ADGRL2: variants seen among roughly 807,000 people sequenced by gnomAD.
ADGRL2 encodes the protein calcium-independent alpha-latrotoxin receptor 2.
In ADGRL2, 44 loss-of-function variants were observed where a neutral mutation model predicts 157.4. The ratio of observed to expected loss-of-function variants is 0.28; its 90% CI spans 0.22 to 0.36. The LOEUF (loss-of-function observed/expected upper bound fraction) is 0.36. ADGRL2 is among the 10% of genes least tolerant of loss of function. The pLI is 1.00. For synonymous variants in ADGRL2, 585 were observed against 624.7 expected (o/e 0.94, Z 0.95); for missense variants, 1,510 against 1,768.9 (o/e 0.85, Z 2.63).
At chr1:81,835,173 C>T (rs187410487) in intron 1 of ADGRL2, among the ~76,000 whole-genome samples, 2 of 152,288 alleles carry the variant, frequency 1.3e-5, no homozygotes, top group East Asian at 3.9e-4. Context: ...GGCAAGCTGC[C>T]TGTAGGCACT....
intron 2 of ADGRL2, among the ~76,000 whole-genome samples, chr1:81,888,239 CTT>C (rs1328344137): frequency 6.6e-6 from 1 of 152,008 alleles, no homozygotes; most frequent in African/African-American, 2.4e-5. Context: ...AAATACAACT[CTT>C]TATCAAAAGC....
In ADGRL2 at chr1:81,825,429, A is replaced by G. The variant is rs576033531; in HGVS notation, c.-100-11456A>G. On this transcript the variant is annotated intron_variant, in intron 1 of 23. Transcript: ENST00000686636. ...AGTGGCGCAATCTCATCTCACTGCA[A>G]CCTCCACCTCCCAGGTTCAAGTGAT... 4.0e-5 allele frequency among the ~76,000 whole-genome samples: 6 copies of G among 151,886 alleles called. No individual in the cohort carries two copies. The South Asian group carries it at 1.2e-3, about 32-fold the overall frequency.
intron 3 of ADGRL2, among the ~76,000 whole-genome samples, chr1:81,666,933 C>A (rs2082762977): frequency 6.6e-6 from 1 of 152,112 alleles, no homozygotes; most frequent in Non-Finnish European, 1.5e-5. Context: ...AGGTATACAT[C>A]ATATCCTTGA....
intron 2 of ADGRL2, among the ~76,000 whole-genome samples, chr1:81,857,584 G>A (rs533114351): frequency 2.4e-4 from 37 of 152,180 alleles, no homozygotes; most frequent in East Asian, 3.9e-4. Context: ...GCCCACAGAC[G>A]GTTCTTTTTG....
chr1:81,675,794 A>C lies in ADGRL2; in HGVS notation c.-142-86017A>C, dbSNP rs549188535. Among the ~76,000 whole-genome samples, 7 of 152,122 alleles carry C rather than the reference A, an allele frequency of 4.6e-5. No homozygotes were observed. In the East Asian group the frequency reaches 1.4e-3, roughly 30 times the overall value. ...ACAGGGTTTCACCATGTTAGCCAGGATAGTCTTGATCTCCTGACCTCATGA... is the reference window on the plus strand; with the variant it reads ...ACAGGGTTTCACCATGTTAGCCAGGCTAGTCTTGATCTCCTGACCTCATGA... On this transcript the variant is annotated intron_variant, in intron 3 of 24. Coordinates refer to the ADGRL2 transcript ENST00000370721.
At chr1:81,466,858 A>G (rs2078066367) in intron 2 of ADGRL2, among the ~76,000 whole-genome samples, 1 of 152,172 alleles carries the variant, frequency 6.6e-6, no homozygotes, top group Admixed American at 6.6e-5. Flanking sequence ...GAAAATACAC[A>G]TAAGTAATAG....
chr1:81,411,249 T>A (rs1446555435), intron 1 of ADGRL2, among the ~76,000 whole-genome samples: 2 of 152,226 alleles, frequency 1.3e-5, no homozygotes, highest in Non-Finnish European at 2.9e-5. Context: ...ATGAGAATAT[T>A]TATATGTCAT....
At chr1:81,920,328 T>C (rs1178847955) in intron 3 of ADGRL2, among the ~76,000 whole-genome samples, 1 of 152,112 alleles carries the variant, frequency 6.6e-6, no homozygotes, top group Non-Finnish European at 1.5e-5. Context: ...AAAAGAACTG[T>C]CCTTGAAAAC....
At chr1:81,477,431 T>A (rs1350856504) in intron 2 of ADGRL2, among the ~76,000 whole-genome samples, 1 of 152,220 alleles carries the variant, frequency 6.6e-6, no homozygotes, top group East Asian at 1.9e-4. Context: ...GAAGAGAAAT[T>A]ACATGAATAT....
chr1:81,781,555 C>T (rs1342990228), intron 2 of ADGRL2, among the ~76,000 whole-genome samples: 2 of 152,160 alleles, frequency 1.3e-5, no homozygotes, highest in African/African-American at 4.8e-5. Context: ...AGCCAACCAA[C>T]ATCTCTACAT....
intron 2 of ADGRL2, among the ~76,000 whole-genome samples, chr1:81,840,143 C>T (rs1289648573): frequency 1.3e-5 from 2 of 151,756 alleles, no homozygotes; most frequent in East Asian, 1.9e-4. Flanking sequence ...TGAGAACATT[C>T]GACTTGAGGT....
rs1056083466 is a variant in ADGRL2, at chr1:81,730,591, T to A, written c.-143+30783T>A. On this transcript the variant is annotated intron_variant, in intron 1 of 20. Transcript: ENST00000359929. ...TACAAAACTTAGCCGGGTGTGGTGG[T>A]ACATGCTTATAATCCCAGCTACTTA... 4.6e-5 allele frequency among the ~76,000 whole-genome samples: 7 copies of A among 151,920 alleles called. 1 individual carries two copies. Among genetic ancestry groups the A allele is most frequent in the Admixed American group, 4.6e-4 (7 of 15,240 alleles).
At chr1:81,918,575 T>C (rs1354762031) in intron 3 of ADGRL2, among the ~76,000 whole-genome samples, 1 of 152,116 alleles carries the variant, frequency 6.6e-6, no homozygotes, top group African/African-American at 2.4e-5. Flanking sequence ...ATAGAATTTA[T>C]CAGAATGCCA....
chr1:81,406,042 CTT>C (rs2076848492), intron 1 of ADGRL2, among the ~76,000 whole-genome samples: 1 of 152,212 alleles, frequency 6.6e-6, no homozygotes, highest in African/African-American at 2.4e-5. Context: ...TGAGAAGAGA[CTT>C]TGAAAAATCT....
At chr1:81,865,791 T>A (rs893103358) in intron 2 of ADGRL2, among the ~76,000 whole-genome samples, 1 of 152,172 alleles carries the variant, frequency 6.6e-6, no homozygotes, top group African/African-American at 2.4e-5. Flanking sequence ...TTGGAAATGG[T>A]TTTATTAAAA....
intron 2 of ADGRL2, among the ~76,000 whole-genome samples, chr1:81,492,507 G>A (rs1359140368): frequency 6.6e-6 from 1 of 152,120 alleles, no homozygotes; most frequent in East Asian, 1.9e-4. Context: ...AAAAAGAAAT[G>A]CTTAGATTAT....
At chr1:81,887,456 A>T (rs1388392414) in intron 2 of ADGRL2, among the ~76,000 whole-genome samples, 2 of 152,236 alleles carry the variant, frequency 1.3e-5, no homozygotes, top group Non-Finnish European at 2.9e-5. Context: ...GAGAGCAAAT[A>T]TCAGAGCACA....
chr1:81,579,157 G>C (rs1387256228), intron 2 of ADGRL2: 1 of 152,152 alleles, frequency 6.6e-6, no homozygotes, highest in African/African-American at 2.4e-5. Context: ...CAAGGGGAAA[G>C]TTACAAAGCT....
chr1:81,847,665 C>G (rs190914811), intron 2 of ADGRL2, among the ~76,000 whole-genome samples: 2 of 151,972 alleles, frequency 1.3e-5, no homozygotes, highest in Non-Finnish European at 2.9e-5. Context: ...TGAAAAATCC[C>G]TGAGTAACAA....
Sources: allele counts gnomAD v4.1 joint callset (sites outside exome capture counted in the v4.1 genomes callset), GRCh38; gene constraint gnomAD v4.1.1; transcripts MANE v1.5; gene names NCBI Gene and HGNC (gene_info 2026-07-23, HGNC 2026-07-21).